Variants in SLC35F4 observed in about 807,000 individuals in gnomAD.
SLC35F4 encodes solute carrier family 35 member F4.
SLC35F4 carries 24 observed loss-of-function variants against 44.2 expected under a neutral mutation model. The observed-to-expected ratio is 0.54, with a 90% CI of 0.39 to 0.76. SLC35F4 has a LOEUF of 0.76. Ranked by LOEUF, SLC35F4 falls within the 30% of genes least tolerant of loss-of-function variation. SLC35F4 has a pLI of 0.00. For synonymous variants in SLC35F4, 238 were observed against 223.6 expected, an observed-to-expected ratio of 1.06 and a Z score of -0.57; for missense variants, 562 against 586.1, an observed-to-expected ratio of 0.96 and a Z score of 0.42.
intron 3 of SLC35F4, among the ~76,000 whole-genome samples, chr14:57,583,131 A>G (rs2069417537): frequency 6.6e-6 from 1 of 152,228 alleles, no homozygotes; most frequent in Admixed American, 6.5e-5. Context: ...TCTGTAATGT[A>G]AACAGAAATT....
chr14:57,850,073 C>A (rs140557599), intron 1 of SLC35F4, among the ~76,000 whole-genome samples: 68 of 152,294 alleles, frequency 4.5e-4, no homozygotes, highest in African/African-American at 1.6e-3. Context: ...ATGCTAATTT[C>A]CCCTCAGCAA....
At chr14:57,565,478 C>G (rs2068161118) in intron 7 of SLC35F4, among the ~76,000 whole-genome samples, 1 of 152,344 alleles carries the variant, frequency 6.6e-6, no homozygotes, top group East Asian at 1.9e-4. Flanking sequence ...TTGTCTCCCT[C>G]TCAATGCTAC....
intron 1 of SLC35F4, among the ~76,000 whole-genome samples, chr14:57,919,593 A>C (rs808231): frequency 0.2 from 30,137 of 152,178 alleles, 3,231 homozygotes; most frequent in South Asian, 0.24. Flanking sequence ...TTTATATTCC[A>C]GGGGTGGACC....
intron 1 of SLC35F4, among the ~76,000 whole-genome samples, chr14:57,704,434 G>T (rs2075619368): frequency 6.6e-6 from 1 of 152,016 alleles, no homozygotes; most frequent in Non-Finnish European, 1.5e-5. Flanking sequence ...GATGAAAGCT[G>T]GACTGTCTTA....
chr14:57,854,582 T>C lies in SLC35F4; in HGVS notation c.103+11141A>G, dbSNP rs963435143. Among the ~76,000 whole-genome samples, 9 of 152,290 alleles carry C rather than the reference T, an allele frequency of 5.9e-5. 1 individual carries two copies. Among genetic ancestry groups the C allele is most frequent in the Admixed American group, 5.2e-4 (8 of 15,294 alleles). ...TCACTATCCCATCTTCACCCCATCCTACCCAAGCTATCCATCTTCAGCTGA... is the reference window on the plus strand; with the variant it reads ...TCACTATCCCATCTTCACCCCATCCCACCCAAGCTATCCATCTTCAGCTGA... On this transcript the variant is annotated intron_variant, in intron 1 of 7. Coordinates refer to ENST00000556826, the MANE Select transcript of SLC35F4 (RefSeq NM_001306087.2).
At chr14:57,594,935 A>G (rs1376148179) in intron 1 of SLC35F4, among the ~76,000 whole-genome samples, 1 of 152,178 alleles carries the variant, frequency 6.6e-6, no homozygotes, top group Non-Finnish European at 1.5e-5. Flanking sequence ...CTGTGCTGAG[A>G]AGGGCCCATC....
At chr14:57,945,034 GTCC>G (rs956259895) in intron 1 of SLC35F4, among the ~76,000 whole-genome samples, 4 of 152,126 alleles carry the variant, frequency 2.6e-5, no homozygotes, top group Admixed American at 1.3e-4. Flanking sequence ...TTATGTAATC[GTCC>G]TCATTTTTCC....
At chr14:57,674,882 C>T (rs1663272320) in intron 1 of SLC35F4, among the ~76,000 whole-genome samples, 1 of 152,094 alleles carries the variant, frequency 6.6e-6, no homozygotes. Flanking sequence ...GAACCTGCAT[C>T]TTCTATAGTA....
chr14:57,825,609 T>G (rs10137775), intron 1 of SLC35F4, among the ~76,000 whole-genome samples: 22,697 of 152,074 alleles, frequency 0.15, 2,091 homozygotes, highest in African/African-American at 0.26. Context: ...ATCCCATATC[T>G]AGAAAACCCC....
chr14:57,596,042 A>T (rs146187081), intron 1 of SLC35F4: 7 of 152,442 alleles, frequency 4.6e-5, no homozygotes, highest in African/African-American at 1.7e-4. Context: ...TTGTAAAATA[A>T]CTAAGATCAT....
chr14:57,912,362 T>A (rs1889231559), intron 1 of SLC35F4, among the ~76,000 whole-genome samples: 1 of 150,734 alleles, frequency 6.6e-6, no homozygotes, highest in African/African-American at 2.5e-5. Flanking sequence ...GACTTTTATA[T>A]TTTTATTAAT....
intron 1 of SLC35F4, among the ~76,000 whole-genome samples, chr14:57,633,081 C>G (rs79682067): frequency 0.043 from 6,591 of 152,142 alleles, 462 homozygotes; most frequent in African/African-American, 0.15. Context: ...ATTTAACACT[C>G]AATAATATTC....
In SLC35F4 at chr14:57,587,096, G is replaced by A. The variant is rs117339318; in HGVS notation, c.587+2120C>T. Among the ~76,000 whole-genome samples the A allele has an allele frequency of 1.3e-3, 204 of 152,308 alleles. 1 individual carries two copies. Among genetic ancestry groups the A allele is most frequent in the Non-Finnish European group, 2.1e-3 (140 of 68,032 alleles). On this transcript the variant is annotated intron_variant, in intron 3 of 7. Coordinates refer to ENST00000556826, the MANE Select transcript of SLC35F4 (RefSeq NM_001306087.2). ...CATACCATCTCAGGCCAGTTAGAAT[G>A]GTGATCATTAATAAGTCAGGAAACA...
intron 1 of SLC35F4, among the ~76,000 whole-genome samples, chr14:57,859,559 A>G (rs1887502261): frequency 6.6e-6 from 1 of 152,214 alleles, no homozygotes; most frequent in Non-Finnish European, 1.5e-5. Flanking sequence ...AGATTGTGGC[A>G]TGCTAAGTAA....
intron 1 of SLC35F4, among the ~76,000 whole-genome samples, chr14:57,839,703 G>A (rs556131993): frequency 1.1e-4 from 16 of 151,984 alleles, no homozygotes; most frequent in Non-Finnish European, 1.6e-4. Flanking sequence ...CATGGCACAT[G>A]TTTACCTATG....
At chr14:57,746,106 GA>G in intron 1 of SLC35F4, among the ~76,000 whole-genome samples, 1 of 152,058 alleles carries the variant, frequency 6.6e-6, no homozygotes, top group Non-Finnish European at 1.5e-5. Flanking sequence ...AGGGGGAAGG[GA>G]TAGCATTAGA....
chr14:57,982,949 C>T (rs527799148), upstream of SLC35F4, among the ~76,000 whole-genome samples: 5 of 152,240 alleles, frequency 3.3e-5, no homozygotes, highest in African/African-American at 9.6e-5. Flanking sequence ...CAATCCTCAC[C>T]GCCAGCTGCT....
At chr14:57,572,707 T>A (rs1016322320) in intron 4 of SLC35F4, among the ~76,000 whole-genome samples, 12 of 152,224 alleles carry the variant, frequency 7.9e-5, no homozygotes, top group African/African-American at 2.9e-4. Context: ...TCTAGAGCAT[T>A]AACTGCATAA....
chr14:57,606,093 A>G (rs911849929), intron 1 of SLC35F4, among the ~76,000 whole-genome samples: 1 of 152,206 alleles, frequency 6.6e-6, no homozygotes, highest in African/African-American at 2.4e-5. Context: ...AAACCTGCAC[A>G]TGTATCCCCT....
Sources: gnomAD v4.1 joint callset for allele counts (sites outside exome capture counted in the v4.1 genomes callset) on GRCh38, gnomAD v4.1.1 for gene constraint, MANE v1.5 for transcripts, NCBI Gene and HGNC (gene_info 2026-07-23, HGNC 2026-07-21) for gene names.